Variants in CCDC171 observed in about 807,000 individuals in gnomAD.
CCDC171 encodes coiled-coil domain containing 171, also known as coiled-coil domain-containing protein 171.
A neutral mutation model predicts 168.2 loss-of-function variants in CCDC171; 177 were observed. The observed-to-expected ratio is 1.05, with a 90% CI of 0.93 to 1.19. The LOEUF is 1.19. Ranked by LOEUF, CCDC171 falls within the 50% of genes most tolerant of loss-of-function variation. CCDC171 has a pLI of 0.00. For synonymous variants in CCDC171, 687 were observed against 540.8 expected, an observed-to-expected ratio of 1.27 and a Z score of -3.75; for missense variants, 1,991 against 1,539.0, an observed-to-expected ratio of 1.29 and a Z score of -4.91.
At chr9:15,834,172 C>G (rs751244551) in intron 21 of CCDC171, among the ~76,000 whole-genome samples, 1 of 152,114 alleles carries the variant, frequency 6.6e-6, no homozygotes, top group Non-Finnish European at 1.5e-5. Flanking sequence ...ATCTGAGACT[C>G]AGCAATGGTT....
At chr9:16,094,859 A>T in the CCDC171 span, among the ~76,000 whole-genome samples, 1 of 152,192 alleles carries the variant, frequency 6.6e-6, no homozygotes, top group African/African-American at 2.4e-5. Context: ...ATCTAATTGT[A>T]ATCCCCAGTG....
intron 7 of CCDC171, among the ~76,000 whole-genome samples, chr9:15,641,495 G>A (rs1201725855): frequency 6.6e-6 from 1 of 152,166 alleles, no homozygotes; most frequent in Admixed American, 6.5e-5. Flanking sequence ...ACTTTTGGAA[G>A]AGGCCCATGG....
intron 25 of CCDC171, among the ~76,000 whole-genome samples, chr9:15,936,937 A>T (rs1227783207): frequency 6.6e-6 from 1 of 152,078 alleles, no homozygotes; most frequent in Non-Finnish European, 1.5e-5. Flanking sequence ...AACACATTTT[A>T]TGCAAAATAT....
rs1480194840 is a variant in CCDC171, at chr9:15,614,207, C to T, written c.676-9060C>T. On this transcript the variant is annotated intron_variant, in intron 6 of 25. Coordinates refer to ENST00000380701, the MANE Select transcript of CCDC171 (RefSeq NM_173550.4). ...CTTGCACTTGCATGGTTTTCTGATG[C>T]CAGGAATATGTCAGAGCTTTTCAAA... Among the ~76,000 whole-genome samples, 3 of 152,136 alleles carry T rather than the reference C, an allele frequency of 2.0e-5. No individual in the cohort carries two copies. In the East Asian group the frequency reaches 5.8e-4, roughly 29 times the overall value.
chr9:16,076,442 G>T, the CCDC171 span, among the ~76,000 whole-genome samples: 1 of 152,146 alleles, frequency 6.6e-6, no homozygotes, highest in Non-Finnish European at 1.5e-5. Flanking sequence ...CAGGTTGATT[G>T]TGTGGGAGGG....
At chr9:15,796,816 A>G (rs2058579331) in intron 21 of CCDC171, among the ~76,000 whole-genome samples, 1 of 152,200 alleles carries the variant, frequency 6.6e-6, no homozygotes, top group South Asian at 2.1e-4. Context: ...AGACCTGGCA[A>G]GTACAGCCTA....
At chr9:16,072,914 T>G in the CCDC171 span, among the ~76,000 whole-genome samples, 6 of 152,220 alleles carry the variant, frequency 3.9e-5, no homozygotes, top group African/African-American at 9.6e-5. Context: ...ACTAATCACC[T>G]TTGTTATTCC....
At chr9:16,046,637 T>C (rs1348857193) in intron 1 of CCDC171, among the ~76,000 whole-genome samples, 1 of 152,142 alleles carries the variant, frequency 6.6e-6, no homozygotes, top group Non-Finnish European at 1.5e-5. Flanking sequence ...TGGGGGTGGT[T>C]TCTCCCATAC....
intron 6 of CCDC171, among the ~76,000 whole-genome samples, chr9:15,608,109 C>T (rs1195925480): frequency 6.6e-6 from 1 of 152,070 alleles, no homozygotes; most frequent in Non-Finnish European, 1.5e-5. Flanking sequence ...TCTTGTAAAG[C>T]CACCAGTTCT....
At chr9:16,022,103 C>A (rs915720125) in intron 4 of CCDC171, among the ~76,000 whole-genome samples, 4 of 152,126 alleles carry the variant, frequency 2.6e-5, no homozygotes, top group African/African-American at 9.7e-5. Context: ...GAGTGGTGGA[C>A]ACAGTGGCCA....
intron 3 of CCDC171, among the ~76,000 whole-genome samples, chr9:15,576,091 C>CAAAA (rs373120688): frequency 1.4e-5 from 2 of 141,018 alleles, no homozygotes; most frequent in Non-Finnish European, 1.5e-5. Context: ...GACTCTGTCT[C>CAAAA]AAAAAAAAAA....
chr9:16,108,381 G>T, the CCDC171 span, among the ~76,000 whole-genome samples: 2 of 152,162 alleles, frequency 1.3e-5, no homozygotes, highest in Non-Finnish European at 2.9e-5. Context: ...TTGGAGGCTT[G>T]TGAATTTTAT....
At chr9:15,847,031 A>T (rs1185824492) in intron 22 of CCDC171, among the ~76,000 whole-genome samples, 184 bp downstream of exon 22, 2 of 152,148 alleles carry the variant, frequency 1.3e-5, no homozygotes, top group Non-Finnish European at 2.9e-5. Flanking sequence ...TGTATATTTT[A>T]TTGAGAAACC....
rs201088512 is a variant in CCDC171 at position 15,903,642 on chromosome 9, G to A, written c.3601-16628G>A. ...TGCCTCTCCTCCTCCAAAGGAACTCGGCTCCTCACCAGCAACGGAAGAAAG... is the reference window on the plus strand; with the variant it reads ...TGCCTCTCCTCCTCCAAAGGAACTCAGCTCCTCACCAGCAACGGAAGAAAG... On this transcript the variant is annotated intron_variant, in intron 24 of 25. Transcript: ENST00000380701. 1.2e-4 allele frequency among the ~76,000 whole-genome samples: 19 copies of A among 152,266 alleles called. 1 individual carries two copies. In the South Asian group the frequency reaches 2.7e-3, roughly 22 times the overall value.
At chr9:15,649,614 A>G (rs1184263567) in intron 7 of CCDC171, among the ~76,000 whole-genome samples, 1 of 152,210 alleles carries the variant, frequency 6.6e-6, no homozygotes, top group Non-Finnish European at 1.5e-5. Flanking sequence ...TTCTCAAAAG[A>G]AGACATTTAT....
At position 15,704,984 on chromosome 9, in the gene CCDC171, A is replaced by G. The variant is rs2052093705; in HGVS notation, c.1318+9647A>G. ...GAGCTTAGGTTACAAACTTACAGGTATAGAGTAAGTTCTGGGGATCTAATG... is the reference window on the plus strand; with the variant it reads ...GAGCTTAGGTTACAAACTTACAGGTGTAGAGTAAGTTCTGGGGATCTAATG... On this transcript the variant is annotated intron_variant, in intron 11 of 25. Transcript: ENST00000380701. Among the ~76,000 whole-genome samples the G allele has an allele frequency of 1.3e-5, 2 of 152,130 alleles. 1 individual carries two copies. The highest frequency in any genetic ancestry group is 4.1e-4 in the South Asian group (2 of 4,830).
At chr9:15,978,527 T>A (rs977733757), downstream of CCDC171, among the ~76,000 whole-genome samples, 5 of 152,190 alleles carry the variant, frequency 3.3e-5, no homozygotes, top group Non-Finnish European at 7.4e-5. Context: ...CTGTTCTTCC[T>A]AAGAGACAAT....
At chr9:15,809,440 C>T (rs185041383) in intron 21 of CCDC171, among the ~76,000 whole-genome samples, 151 of 152,282 alleles carry the variant, frequency 9.9e-4, no homozygotes, top group Non-Finnish European at 1.8e-3. Context: ...TACAGACTCT[C>T]GTGGTGAGTG....
rs1354451315 is a variant in CCDC171, at chr9:15,750,730, C to G, written c.2671+5099C>G. Reference sequence around the variant, plus strand: ...AAGGCCTTCGACAAAATTCAACAGCCCTTCATGCTAAAAACTCTCAATAAA... The same window carrying G: ...AAGGCCTTCGACAAAATTCAACAGCGCTTCATGCTAAAAACTCTCAATAAA... On this transcript the variant is annotated intron_variant, in intron 18 of 25. Transcript: ENST00000380701. Among the ~76,000 whole-genome samples the G allele has an allele frequency of 2.6e-5, 4 of 152,246 alleles. No homozygotes were observed. In the East Asian group the frequency reaches 7.7e-4, roughly 29 times the overall value.
Sources: allele counts gnomAD v4.1 joint callset (sites outside exome capture counted in the v4.1 genomes callset), GRCh38; gene constraint gnomAD v4.1.1; transcripts MANE v1.5; gene names NCBI Gene and HGNC (gene_info 2026-07-23, HGNC 2026-07-21).